The following TSG101 variants were observed in gnomAD, a reference collection of about 807,000 sequenced individuals.
The protein encoded by TSG101 is tumor susceptibility gene 101 protein.
In TSG101, 19 loss-of-function variants were observed where a neutral mutation model predicts 48.5. That is an observed-to-expected ratio of 0.39 (90% CI 0.27 to 0.58). The LOEUF (loss-of-function observed/expected upper bound fraction) is 0.58. Ranked by LOEUF, TSG101 falls within the 20% of genes least tolerant of loss-of-function variation. TSG101 has a pLI of 0.55. For synonymous variants in TSG101, 174 were observed against 169.4 expected (o/e 1.03, Z -0.21); for missense variants, 365 against 484.4 (o/e 0.75, Z 2.31).
chr11:18,500,948 G>A (rs535887047), intron 7 of TSG101, among the ~76,000 whole-genome samples: 39 of 152,034 alleles, frequency 2.6e-4, no homozygotes, highest in Middle Eastern at 3.4e-3. Flanking sequence ...GGATTACAGG[G>A]GTGTACCACC....
intron 7 of TSG101, among the ~76,000 whole-genome samples, chr11:18,498,250 G>T (rs1849814869): frequency 6.6e-6 from 1 of 152,190 alleles, no homozygotes; most frequent in African/African-American, 2.4e-5. Context: ...CTGGGCCCAA[G>T]AACTTTGGAC....
chr11:18,481,960 C>T, intron 8 of TSG101, 91 bp from the exon 9 acceptor site: 3 of 1,527,674 alleles, frequency 2.0e-6, no homozygotes, highest in African/African-American at 1.4e-5. Context: ...GACAGGCTAA[C>T]AACCATGTTT....
intron 3 of TSG101, among the ~76,000 whole-genome samples, chr11:18,515,302 T>C (rs1850152656): frequency 6.6e-6 from 1 of 152,194 alleles, no homozygotes; most frequent in South Asian, 2.1e-4. Flanking sequence ...CCTTTATTCA[T>C]CTTTGTAGCC....
intron 7 of TSG101, among the ~76,000 whole-genome samples, chr11:18,499,290 ATATT>A (rs1328813211): frequency 1.8e-5 from 2 of 113,216 alleles, no homozygotes; most frequent in African/African-American, 3.1e-5. Flanking sequence ...TATATCATAT[ATATT>A]TATATTTATA....
At chr11:18,525,355 G>A (rs1335219601) in intron 1 of TSG101, among the ~76,000 whole-genome samples, 2 of 151,926 alleles carry the variant, frequency 1.3e-5, no homozygotes, top group African/African-American at 4.8e-5. Flanking sequence ...GACCAGCCTG[G>A]CCAACATGGT....
intron 7 of TSG101, among the ~76,000 whole-genome samples, chr11:18,499,011 T>G (rs1276792113): frequency 6.6e-6 from 1 of 151,540 alleles, no homozygotes; most frequent in Non-Finnish European, 1.5e-5. Flanking sequence ...AAAAAGTTAT[T>G]GGTAATCATG....
At chr11:18,523,761 C>T (rs1339506394) in intron 1 of TSG101, among the ~76,000 whole-genome samples, 1 of 152,222 alleles carries the variant, frequency 6.6e-6, no homozygotes, top group Non-Finnish European at 1.5e-5. Context: ...CTCAGCCTCC[C>T]AAAGTGCTGA....
chr11:18,504,043 A>G (rs1031299644), intron 6 of TSG101, among the ~76,000 whole-genome samples: 13 of 152,064 alleles, frequency 8.5e-5, no homozygotes, highest in African/African-American at 3.1e-4. Flanking sequence ...TTCTACAAAA[A>G]TAGAAAAATT....
intron 7 of TSG101, among the ~76,000 whole-genome samples, chr11:18,502,044 T>C (rs1849898170): frequency 6.6e-6 from 1 of 152,198 alleles, no homozygotes; most frequent in South Asian, 2.1e-4. Flanking sequence ...GTTTTTTTAG[T>C]TGAAGAAAAT....
intron 7 of TSG101, among the ~76,000 whole-genome samples, chr11:18,498,102 G>T (rs762308659): frequency 6.6e-6 from 1 of 152,112 alleles, no homozygotes; most frequent in Non-Finnish European, 1.5e-5. Context: ...GATTGGTGGT[G>T]GTGGCAGCAA....
chr11:18,514,630 CAAAATATAT>C (rs1396954046), intron 4 of TSG101, 39 bp downstream of exon 4: 1 of 1,458,562 alleles, frequency 6.9e-7, no homozygotes, highest in East Asian at 2.6e-5. Context: ...TGCTAGTGAG[CAAAATATAT>C]AAAACATAAC....
Position 18,484,106 on chromosome 11 carries a change from C to T in TSG101, c.641-34G>A, listed in dbSNP as rs77948394. On this transcript the variant is annotated intron_variant, in intron 7 of 9. Coordinates refer to ENST00000251968, the MANE Select transcript of TSG101 (RefSeq NM_006292.4). ...AACAGAGGCAAAAAACACTTGCTTA[C>T]TTCCCAAGTTCCTTCTATTTGTCTC... The T allele has an allele frequency of 1.2e-3, 1,889 of 1,607,266 alleles. 12 individuals are homozygous for T. The African/African-American group carries it at 0.022, about 18-fold the overall frequency.
intron 5 of TSG101, among the ~76,000 whole-genome samples, chr11:18,509,003 T>G (rs546660051): frequency 6.6e-6 from 1 of 152,246 alleles, no homozygotes; most frequent in Admixed American, 6.5e-5. Flanking sequence ...ATATTCCAAT[T>G]AGGGGAGAAG....
chr11:18,480,684 C>T (rs1451775056), intron 9 of TSG101, 49 bp from the exon 10 acceptor site: 8 of 1,549,958 alleles, frequency 5.2e-6, no homozygotes, highest in Non-Finnish European at 7.1e-6. Flanking sequence ...TTGATTTAGG[C>T]CCAGGCATAA....
chr11:18,498,335 A>G (rs527728732), intron 7 of TSG101, among the ~76,000 whole-genome samples: 3 of 152,194 alleles, frequency 2.0e-5, no homozygotes, highest in Non-Finnish European at 4.4e-5. Flanking sequence ...ATATTTTATT[A>G]GGATCACTCT....
intron 9 of TSG101, 93 bp downstream of exon 9, chr11:18,481,537 T>A (rs1384018993): frequency 1.8e-5 from 28 of 1,518,960 alleles, no homozygotes; most frequent in Non-Finnish European, 2.5e-5. Flanking sequence ...TCTTAATCCA[T>A]ACTACAAAGA....
chr11:18,482,007 A>G (rs754737344), intron 8 of TSG101, 138 bp from the exon 9 acceptor site: 40 of 1,201,228 alleles, frequency 3.3e-5, no homozygotes, highest in Non-Finnish European at 4.4e-5. Context: ...TTCAAATAAC[A>G]CCCTGGTCAA....
chr11:18,501,373 C>G (rs571670844), intron 7 of TSG101, among the ~76,000 whole-genome samples: 5 of 152,246 alleles, frequency 3.3e-5, no homozygotes, highest in Admixed American at 1.3e-4. Flanking sequence ...TGAACAATGT[C>G]TTTTTCCCAA....
intron 7 of TSG101, among the ~76,000 whole-genome samples, chr11:18,499,783 C>T (rs186842439): frequency 1.4e-4 from 22 of 151,944 alleles, no homozygotes; most frequent in African/African-American, 3.9e-4. Context: ...GTTACCTGCA[C>T]GGAATGTAAT....
Sources: allele counts gnomAD v4.1 joint callset (sites outside exome capture counted in the v4.1 genomes callset), GRCh38; gene constraint gnomAD v4.1.1; transcripts MANE v1.5; gene names NCBI Gene and HGNC (gene_info 2026-07-23, HGNC 2026-07-21).